SPATA13: variants seen among roughly 807,000 people sequenced by gnomAD.
SPATA13 encodes spermatogenesis associated 13.
SPATA13 carries 50 observed loss-of-function variants against 104.0 expected under a neutral mutation model. The ratio of observed to expected loss-of-function variants is 0.48; its 90% CI spans 0.38 to 0.61. The LOEUF is 0.61. SPATA13 is among the 20% of genes least tolerant of loss of function. SPATA13 has a pLI of 0.00. For missense variants in SPATA13, 1,524 were observed against 1,690.6 expected (o/e 0.90, Z 1.73); for synonymous variants, 606 against 667.5 (o/e 0.91, Z 1.42).
chr13:24,270,819 C>T, intron 4 of SPATA13: 1 of 1,612,772 alleles, frequency 6.2e-7, no homozygotes, highest in Non-Finnish European at 8.5e-7. Context: ...GGTCACACCC[C>T]AGTCCTGCTC....
intron 1 of SPATA13, among the ~76,000 whole-genome samples, chr13:24,180,737 A>G (rs1255947351): frequency 1.3e-5 from 2 of 152,190 alleles, no homozygotes; most frequent in African/African-American, 2.4e-5. Context: ...TTCTGATGCT[A>G]TTATAGATGG....
upstream of SPATA13, among the ~76,000 whole-genome samples, chr13:24,160,041 C>G (rs1882403003): frequency 6.6e-6 from 1 of 152,162 alleles, no homozygotes; most frequent in Admixed American, 6.5e-5. Context: ...GCCTTTGAGT[C>G]GGTTTACTGC....
At chr13:24,153,137 T>C (rs1356124701) in intron 3 of SPATA13, among the ~76,000 whole-genome samples, 1 of 152,256 alleles carries the variant, frequency 6.6e-6, no homozygotes, top group Non-Finnish European at 1.5e-5. Context: ...GATTTTATCA[T>C]CTGCATCTCC....
intron 3 of SPATA13, among the ~76,000 whole-genome samples, chr13:24,119,482 C>T (rs1174741493): frequency 2.6e-5 from 4 of 152,146 alleles, no homozygotes; most frequent in Non-Finnish European, 5.9e-5. Flanking sequence ...TCAGTGGGTC[C>T]AGACATGTAG....
intron 3 of SPATA13, among the ~76,000 whole-genome samples, chr13:24,110,523 C>A (rs1880605262): frequency 6.6e-6 from 1 of 152,144 alleles, no homozygotes; most frequent in Non-Finnish European, 1.5e-5. Context: ...TGCATCAGCC[C>A]CCAGTCTAAG....
rs569376536 is a variant in SPATA13, at chr13:24,003,974, T to C, written c.-146-13693T>C. ...AGCATTGTTTTGTACACTTGCTTCA[T>C]ATACATACACACAGAAACAGCACTT... On this transcript the variant is annotated intron_variant, in intron 2 of 14. Coordinates refer to the SPATA13 transcript ENST00000424834. Among the ~76,000 whole-genome samples the C allele has an allele frequency of 2.0e-5, 3 of 152,326 alleles. No homozygotes were observed. The South Asian group carries it at 6.2e-4, about 32-fold the overall frequency.
At chr13:24,004,611 A>G (rs1876136237) in intron 2 of SPATA13, among the ~76,000 whole-genome samples, 1 of 152,156 alleles carries the variant, frequency 6.6e-6, no homozygotes, top group Non-Finnish European at 1.5e-5. Context: ...GCTGTGGGCA[A>G]CAGACCCTGC....
At chr13:24,283,355 T>G (rs1875691244) in intron 4 of SPATA13, among the ~76,000 whole-genome samples, 1 of 152,248 alleles carries the variant, frequency 6.6e-6, no homozygotes, top group Admixed American at 6.5e-5. Context: ...GAAAAAATAC[T>G]GATAGATTGC....
chr13:24,214,957 T>A (rs1871200593), intron 1 of SPATA13, among the ~76,000 whole-genome samples: 1 of 152,236 alleles, frequency 6.6e-6, no homozygotes, highest in Admixed American at 6.5e-5. Flanking sequence ...CTGACATATT[T>A]AAAACATTAT....
At chr13:24,153,990 G>T (rs1490308606) in intron 3 of SPATA13, among the ~76,000 whole-genome samples, 2 of 152,134 alleles carry the variant, frequency 1.3e-5, no homozygotes, top group South Asian at 2.1e-4. Context: ...AACTCTGAGC[G>T]GTGGGAACTA....
intron 3 of SPATA13, among the ~76,000 whole-genome samples, chr13:24,148,332 C>A (rs1593360542): frequency 1.3e-5 from 2 of 151,900 alleles, no homozygotes; most frequent in South Asian, 4.2e-4. Context: ...CTTTTGTGCA[C>A]AATTTCACAG....
chr13:24,095,851 G>A (rs1880060552), intron 3 of SPATA13, among the ~76,000 whole-genome samples: 1 of 152,174 alleles, frequency 6.6e-6, no homozygotes, highest in East Asian at 1.9e-4. Flanking sequence ...CTATGAAATG[G>A]GTCTTGTTTC....
intron 7 of SPATA13, among the ~76,000 whole-genome samples, chr13:24,287,819 G>A (rs796254910): frequency 5.3e-5 from 8 of 152,330 alleles, no homozygotes; most frequent in African/African-American, 1.9e-4. Flanking sequence ...GGTATTTTGT[G>A]CTTCTATGGA....
intron 1 of SPATA13, among the ~76,000 whole-genome samples, chr13:24,192,435 C>T (rs182848553): frequency 6.6e-6 from 1 of 152,100 alleles, no homozygotes; most frequent in Non-Finnish European, 1.5e-5. Flanking sequence ...CCCCTTCAGT[C>T]TCTGTGCCAG....
intron 3 of SPATA13, among the ~76,000 whole-genome samples, chr13:24,129,938 G>A (rs1881339765): frequency 6.6e-6 from 1 of 152,238 alleles, no homozygotes; most frequent in Admixed American, 6.5e-5. Context: ...TTGGTTGCCT[G>A]TACTGCTCCC....
chr13:24,289,545 A>T (rs1193576288), intron 8 of SPATA13, among the ~76,000 whole-genome samples: 1 of 152,132 alleles, frequency 6.6e-6, no homozygotes, highest in Non-Finnish European at 1.5e-5. Flanking sequence ...GGGTTTTCTT[A>T]TATTAGCTTG....
chr13:24,090,206 T>C (rs1349560834), intron 3 of SPATA13, among the ~76,000 whole-genome samples: 5 of 152,130 alleles, frequency 3.3e-5, no homozygotes, highest in Non-Finnish European at 7.3e-5. Flanking sequence ...ATCCCCCTTA[T>C]GGACTTTCCT....
chr13:24,019,040 C>A (rs1034035713), intron 3 of SPATA13, among the ~76,000 whole-genome samples: 1 of 151,426 alleles, frequency 6.6e-6, no homozygotes, highest in Non-Finnish European at 1.5e-5. Flanking sequence ...GGAAAGTGAA[C>A]GTGTCTAAAG....
chr13:24,208,672 A>C (rs1870846159), intron 1 of SPATA13, among the ~76,000 whole-genome samples: 1 of 144,652 alleles, frequency 6.9e-6, no homozygotes, highest in Non-Finnish European at 1.5e-5. Flanking sequence ...CTGGTTTCTC[A>C]TTAAGACTTT....
Sources: allele counts gnomAD v4.1 joint callset (sites outside exome capture counted in the v4.1 genomes callset), GRCh38; gene constraint gnomAD v4.1.1; transcripts MANE v1.5; gene names NCBI Gene and HGNC (gene_info 2026-07-23, HGNC 2026-07-21).